Variants in PRKCB observed in about 807,000 individuals in gnomAD.
PRKCB encodes protein kinase C beta type.
In PRKCB, 13 loss-of-function variants were observed where a neutral mutation model predicts 81.5. The observed-to-expected ratio is 0.16, with a 90% CI of 0.10 to 0.25. PRKCB has a LOEUF of 0.25. Among genes scored for constraint, PRKCB ranks in the 10% least tolerant of loss-of-function variants. The pLI, the probability that PRKCB is intolerant of heterozygous loss-of-function variation, is 1.00. For synonymous variants in PRKCB, 335 were observed against 321.4 expected, an observed-to-expected ratio of 1.04 and a Z score of -0.45; for missense variants, 509 against 875.7, an observed-to-expected ratio of 0.58 and a Z score of 5.29.
chr16:23,879,078 T>G (rs1963063717), intron 2 of PRKCB, among the ~76,000 whole-genome samples: 2 of 151,954 alleles, frequency 1.3e-5, no homozygotes. Context: ...CTCAGGAGGT[T>G]GAGGCAGGAG....
At chr16:23,838,450 G>A (rs1474990623) in intron 2 of PRKCB, among the ~76,000 whole-genome samples, 1 of 152,142 alleles carries the variant, frequency 6.6e-6, no homozygotes, top group Non-Finnish European at 1.5e-5. Context: ...TGTGTGTTAT[G>A]TTTTCTTTTT....
intron 2 of PRKCB, among the ~76,000 whole-genome samples, chr16:23,845,394 A>G (rs1057453030): frequency 4.6e-5 from 7 of 152,126 alleles, no homozygotes; most frequent in African/African-American, 1.7e-4. Flanking sequence ...CCAACTTCTC[A>G]TTCTCATTTT....
intron 5 of PRKCB, among the ~76,000 whole-genome samples, chr16:24,071,911 T>C (rs11640623): frequency 0.12 from 18,114 of 152,032 alleles, 1,937 homozygotes; most frequent in African/African-American, 0.28. Context: ...GGAGGGGTCG[T>C]CGGCATCACT....
chr16:24,124,577 G>A (rs570167405), intron 9 of PRKCB, among the ~76,000 whole-genome samples: 26 of 152,308 alleles, frequency 1.7e-4, no homozygotes, highest in African/African-American at 6.3e-4. Flanking sequence ...GTGGAAGGAT[G>A]ACCCTGGGAC....
chr16:23,942,807 T>C (rs17810486), intron 2 of PRKCB, among the ~76,000 whole-genome samples: 5,205 of 152,290 alleles, frequency 0.034, 134 homozygotes, highest in Middle Eastern at 0.051. Context: ...AAACTCCTTT[T>C]TGGAAACTAA....
intron 8 of PRKCB, among the ~76,000 whole-genome samples, chr16:24,115,525 C>G (rs1380858945): frequency 6.6e-6 from 1 of 151,830 alleles, no homozygotes; most frequent in Non-Finnish European, 1.5e-5. Flanking sequence ...ATCCCAAGAG[C>G]ATTTATCCAA....
At chr16:24,024,938 A>G (rs1965456063) in intron 3 of PRKCB, among the ~76,000 whole-genome samples, 1 of 152,096 alleles carries the variant, frequency 6.6e-6, no homozygotes, top group African/African-American at 2.4e-5. Flanking sequence ...AGGAAGGAGG[A>G]GGGAAGAATC....
At chr16:24,202,713 T>C (rs1049699042) in intron 16 of PRKCB, among the ~76,000 whole-genome samples, 2 of 152,218 alleles carry the variant, frequency 1.3e-5, no homozygotes, top group African/African-American at 4.8e-5. Flanking sequence ...AATTTCTGTA[T>C]CTTGCATTAT....
At chr16:24,122,445 G>T (rs1440364049) in intron 8 of PRKCB, among the ~76,000 whole-genome samples, 2 of 130,768 alleles carry the variant, frequency 1.5e-5, no homozygotes, top group Non-Finnish European at 3.0e-5. Flanking sequence ...ATTCTACCAC[G>T]AGGCTTTTTT....
chr16:23,906,148 A>T (rs1026814942), intron 2 of PRKCB, among the ~76,000 whole-genome samples: 6 of 152,166 alleles, frequency 3.9e-5, no homozygotes, highest in African/African-American at 1.4e-4. Flanking sequence ...TCTGTACAGG[A>T]TCTGTTCACA....
Position 24,044,964 on chromosome 16 carries a change from G to T in PRKCB, c.529+9417G>T, listed in dbSNP as rs1288916720. Among the ~76,000 whole-genome samples, 4 of 152,340 alleles carry T rather than the reference G, an allele frequency of 2.6e-5. No homozygotes were observed. The East Asian group carries it at 7.7e-4, about 29-fold the overall frequency. On this transcript the variant is annotated intron_variant, in intron 5 of 16. Transcript: ENST00000643927. ...TTATAACCTGTGTGTGAAGAAAGGT[G>T]TGGAAGGATACCAACCAGGTTGTAA...
chr16:23,931,867 G>A (rs946788289), intron 2 of PRKCB, among the ~76,000 whole-genome samples: 4 of 152,162 alleles, frequency 2.6e-5, no homozygotes, highest in African/African-American at 4.8e-5. Flanking sequence ...ATCCATATCC[G>A]CACCCAATGC....
Position 24,188,845 on chromosome 16 carries a change from G to A in PRKCB, c.1723-2245G>A, listed in dbSNP as rs150940156. 3.3e-3 allele frequency among the ~76,000 whole-genome samples: 498 copies of A among 152,268 alleles called. 4 individuals are homozygous for A. Among genetic ancestry groups the A allele is most frequent in the African/African-American group, 0.011 (468 of 41,528 alleles). The stretch of plus-strand genomic sequence containing the variant: ...CCACATCCTTTACCTGGAAAATGGG[G>A]GATAATAGTTGCTGAGGCCTTAGAG... On this transcript the variant is annotated intron_variant, in intron 15 of 16. Transcript: ENST00000643927.
chr16:23,884,909 A>C (rs1567302161), intron 2 of PRKCB, among the ~76,000 whole-genome samples: 1 of 32,122 alleles, frequency 3.1e-5, no homozygotes, highest in Admixed American at 3.4e-4. Context: ...TTGTTCAGCA[A>C]ATATGGATGA....
chr16:23,865,930 GAGTTCAGA>G (rs1567294616), intron 2 of PRKCB, among the ~76,000 whole-genome samples: 3 of 151,984 alleles, frequency 2.0e-5, no homozygotes, highest in South Asian at 4.1e-4. Context: ...TCCTCTTCTG[GAGTTCAGA>G]ACCCCTTCCT....
chr16:23,860,174 A>C (rs1205818558), intron 2 of PRKCB, among the ~76,000 whole-genome samples: 1 of 152,194 alleles, frequency 6.6e-6, no homozygotes, highest in Non-Finnish European at 1.5e-5. Context: ...CTACCTAATA[A>C]GAGTTGTCAG....
At chr16:23,854,854 A>G (rs79214759) in intron 2 of PRKCB, among the ~76,000 whole-genome samples, 4,918 of 152,186 alleles carry the variant, frequency 0.032, 279 homozygotes, top group African/African-American at 0.11. Context: ...TCTAGTGTGC[A>G]TTTCTGAAAA....
intron 3 of PRKCB, among the ~76,000 whole-genome samples, chr16:24,001,052 G>C (rs1965028212): frequency 6.6e-6 from 1 of 151,126 alleles, no homozygotes; most frequent in Admixed American, 6.6e-5. Flanking sequence ...AATAATGTCT[G>C]GCACAAAGAA....
intron 2 of PRKCB, among the ~76,000 whole-genome samples, chr16:23,898,649 A>T (rs768426042): frequency 6.6e-6 from 1 of 152,176 alleles, no homozygotes; most frequent in Non-Finnish European, 1.5e-5. Flanking sequence ...AACTAGGTGA[A>T]GATTGGCAGA....
Sources: gnomAD v4.1 joint callset for allele counts (sites outside exome capture counted in the v4.1 genomes callset) on GRCh38, gnomAD v4.1.1 for gene constraint, MANE v1.5 for transcripts, NCBI Gene and HGNC (gene_info 2026-07-23, HGNC 2026-07-21) for gene names.